MGAM: variants seen among roughly 807,000 people sequenced by gnomAD.
The protein encoded by MGAM is alpha-1,4-glucosidase.
A neutral mutation model predicts 358.8 loss-of-function variants in MGAM; 253 were observed. That is an observed-to-expected ratio of 0.71 (90% CI 0.64 to 0.78). The LOEUF (loss-of-function observed/expected upper bound fraction) is 0.78. MGAM is among the 30% of genes least tolerant of loss of function. The probability of loss-of-function intolerance (pLI) is 0.00; values close to 1 mark genes in which losing one functional copy is unlikely to be tolerated. For synonymous variants in MGAM, 1,105 were observed against 1,227.1 expected (o/e 0.90, Z 2.08); for missense variants, 3,080 against 3,432.6 (o/e 0.90, Z 2.57).
chr7:142,044,068 G>A (rs1347648548), intron 21 of MGAM, among the ~76,000 whole-genome samples: 17 of 96,320 alleles, frequency 1.8e-4, no homozygotes, highest in East Asian at 5.7e-4. Flanking sequence ...CACATACGAC[G>A]TATAATACAT....
At chr7:142,044,084 ACAC>A in intron 21 of MGAM, among the ~76,000 whole-genome samples, 1 of 143,390 alleles carries the variant, frequency 7.0e-6, no homozygotes, top group South Asian at 2.1e-4. Context: ...TACATTATAT[ACAC>A]ATACGACGTA....
intron 21 of MGAM, among the ~76,000 whole-genome samples, chr7:142,045,901 A>G (rs1810288036): frequency 9.7e-6 from 1 of 103,524 alleles, no homozygotes; most frequent in Non-Finnish European, 1.9e-5. Flanking sequence ...TTATGTATAC[A>G]TACAATATGT....
At chr7:142,070,772 T>A (rs1204709807) in intron 43 of MGAM, among the ~76,000 whole-genome samples, 1 of 146,116 alleles carries the variant, frequency 6.8e-6, no homozygotes, top group African/African-American at 2.4e-5. Context: ...ATGTAGTTTG[T>A]ATGGTGGAAG....
intron 7 of MGAM, 26 bp downstream of exon 7, chr7:142,022,465 C>T: frequency 6.2e-7 from 1 of 1,602,890 alleles, no homozygotes; most frequent in Non-Finnish European, 8.5e-7. Flanking sequence ...GGCCCCTTTC[C>T]ACTGAATATC....
At chr7:142,030,818 CTGTG>C (rs66639847) in intron 12 of MGAM, 61 bp downstream of exon 12, 10,694 of 748,326 alleles carry the variant, frequency 0.014, no homozygotes, top group East Asian at 0.051. Context: ...TTGAATGTGT[CTGTG>C]TGTGTGTGTG....
rs1815563903 is a variant in MGAM, at chr7:142,093,221, G to C, written c.7034-191G>C. Among the ~76,000 whole-genome samples the C allele has an allele frequency of 1.4e-5, 2 of 146,564 alleles. 1 individual carries two copies. The highest frequency in any genetic ancestry group is 1.4e-4 in the Admixed American group (2 of 14,596). ...CACCTCTGCTTTCTTCAGTGAACTTGATGTTGGAAACACTGGAGCCGCCGT... is the reference window on the plus strand; with the variant it reads ...CACCTCTGCTTTCTTCAGTGAACTTCATGTTGGAAACACTGGAGCCGCCGT... On this transcript the variant is annotated intron_variant, in intron 59 of 70. Coordinates refer to ENST00000475668, the MANE Select transcript of MGAM (RefSeq NM_001365693.1).
intron 68 of MGAM, among the ~76,000 whole-genome samples, chr7:142,101,933 G>C (rs1410277898): frequency 2.7e-5 from 4 of 150,716 alleles, no homozygotes; most frequent in Admixed American, 2.6e-4. Flanking sequence ...AAGAAAGAAA[G>C]AAAAGAAAAG....
Position 142,084,559 on chromosome 7 carries a change from G to C in MGAM, c.6422G>C (p.Gly2141Ala). ...RPVMVPYWSL[G>A]FQLCRYGYQN... Reference sequence around the variant, plus strand: ...GTGATGGTACCTTACTGGTCTTTGGGGTTCCAGCTGTGTCGCTATGGCTAC... The same window carrying C: ...GTGATGGTACCTTACTGGTCTTTGGCGTTCCAGCTGTGTCGCTATGGCTAC... The change falls in exon 54 of 71, where the codon GGG (glycine) becomes GCG (alanine). Residue 2141 changes from glycine to alanine, a missense_variant. This residue lies in a region of MGAM where 932 missense variants were observed against 1,198.2 expected (regional missense o/e 0.78). Coordinates refer to ENST00000475668, the MANE Select transcript of MGAM (RefSeq NM_001365693.1). 6.4e-7 allele frequency: 1 copy of C among 1,556,012 alleles called. No individual in the cohort carries two copies. Among genetic ancestry groups the C allele is most frequent in the African/African-American group, 1.3e-5 (1 of 74,564 alleles).
At chr7:142,046,086 A>G (rs1287252864) in intron 21 of MGAM, among the ~76,000 whole-genome samples, 1 of 133,990 alleles carries the variant, frequency 7.5e-6, no homozygotes, top group Non-Finnish European at 1.6e-5. Context: ...AGAAATTTAT[A>G]TGTGTAATTA....
chr7:142,034,960 T>C, intron 16 of MGAM, 119 bp downstream of exon 16: 1 of 933,900 alleles, frequency 1.1e-6, no homozygotes, highest in Non-Finnish European at 1.6e-6. Context: ...TTTAATATCT[T>C]GAGAGCATGT....
chr7:142,020,985 C>A lies in MGAM; in HGVS notation c.460C>A (p.Arg154=). The A allele has an allele frequency of 6.2e-7, 1 of 1,611,930 alleles. No individual in the cohort carries two copies. The highest frequency in any genetic ancestry group is 8.5e-7 in the Non-Finnish European group (1 of 1,178,558). ...TTCTCCTATGTTAGGATTCACAGCC[C>A]GGTTGAAAAATCTGCCTTCTTCACC... ...LVNTNAGFTA[R]LKNLPSSPVF... The change falls in exon 5 of 71, where the codon CGG becomes AGG. Residue 154 remains arginine, a synonymous_variant. Transcript: ENST00000475668.
rs1816882160 is a variant in MGAM, at chr7:142,106,746, G to A, written c.*855G>A. 6.6e-6 allele frequency: 1 copy of A among 152,226 alleles called. No homozygotes were observed. The highest frequency in any genetic ancestry group is 1.5e-5 in the Non-Finnish European group (1 of 68,040). The allele number at this position is 152,226 out of a possible 1,614,324, so 9.4% of individuals were successfully genotyped here. A position where few individuals can be genotyped will look rare whatever the true frequency, so the allele number is the denominator to read the frequency against. The stretch of plus-strand genomic sequence containing the variant: ...AAATAAAACAAGTGAATTTGCAAGT[G>A]ATTTTGAATTTTGTGCTATTTTGAC... On this transcript the variant is annotated 3_prime_UTR_variant, in exon 71 of 71. Coordinates refer to ENST00000475668, the MANE Select transcript of MGAM (RefSeq NM_001365693.1).
Position 142,034,787 on chromosome 7 carries a change from C to G in MGAM, c.1905C>G (p.Asp635Glu), listed in dbSNP as rs782259332. The G allele has an allele frequency of 7.4e-6, 12 of 1,613,498 alleles. No homozygotes were observed. The Admixed American group carries it at 2.0e-4, about 27-fold the overall frequency. ...WLGDNTATWD[D>E]LRWSIPGVLE... Reference sequence around the variant, plus strand: ...GAGACAACACTGCCACCTGGGATGACCTGAGATGGTCCATCCCTGGCGTGC... The same window carrying G: ...GAGACAACACTGCCACCTGGGATGAGCTGAGATGGTCCATCCCTGGCGTGC... Residue 635 changes from aspartate to glutamate, a missense_variant, in exon 16 of 71, where the codon GAC becomes GAG. Transcript: ENST00000475668.
rs1460723224 is a variant in MGAM, at chr7:142,097,666, G to A, written c.7749+17G>A. 3.1e-6 allele frequency: 5 copies of A among 1,589,930 alleles called. No individual in the cohort carries two copies. The highest frequency in any genetic ancestry group is 4.3e-6 in the Non-Finnish European group (5 of 1,159,556). On this transcript the variant is annotated intron_variant, in intron 66 of 70. Transcript: ENST00000475668. Reference sequence around the variant, plus strand: ...TACTACACGGTAAGTTTTTCTGAATGTTTATACAACACGGGAAAATGGTAG... The same window carrying A: ...TACTACACGGTAAGTTTTTCTGAATATTTATACAACACGGGAAAATGGTAG...
At chr7:142,088,745 C>T (rs1231289202) in intron 57 of MGAM, among the ~76,000 whole-genome samples, 1 of 84,808 alleles carries the variant, frequency 1.2e-5, no homozygotes, top group Non-Finnish European at 2.3e-5. Context: ...GTCTGTCTGT[C>T]TGTCTATCTA....
Position 142,082,503 on chromosome 7 carries a change from C to A in MGAM, c.6200C>A (p.Pro2067His). 1.3e-6 allele frequency: 2 copies of A among 1,534,940 alleles called. 1 individual carries two copies. The highest frequency in any genetic ancestry group is 4.6e-5 in the East Asian group (2 of 43,088). The stretch of plus-strand genomic sequence containing the variant: ...AAGAAGAATTCCTATGGTGTCCACC[C>A]CTACTACATGGGGCTAGAGGAGGAT... ...GYKKNSYGVH[P>H]YYMGLEEDGS... The change falls in exon 52 of 71, where the codon CCC becomes CAC. Residue 2067 changes from proline to histidine, a missense_variant. By Grantham distance (77) the Pro-to-His change is moderately conservative (BLOSUM62 -2). Coordinates refer to ENST00000475668, the MANE Select transcript of MGAM (RefSeq NM_001365693.1).
In MGAM at chr7:142,094,667, G is replaced by T. The variant is rs1380233666; in HGVS notation, c.7341+13G>T. 3.1e-6 allele frequency: 5 copies of T among 1,612,060 alleles called. No homozygotes were observed. The East Asian group carries it at 1.1e-4, about 36-fold the overall frequency. On this transcript the variant is annotated intron_variant, in intron 62 of 70. Coordinates refer to ENST00000475668, the MANE Select transcript of MGAM (RefSeq NM_001365693.1). ...CGGCATATCCTATGTGAGTGTCCTT[G>T]GGATCCTCCTAAGCACCAAGAAGGT...
At chr7:142,060,272 T>C (rs558788843) in intron 33 of MGAM, 39 bp from the exon 34 acceptor site, 3 of 1,603,998 alleles carry the variant, frequency 1.9e-6, no homozygotes, top group African/African-American at 1.3e-5. Context: ...TAAGGGAAAT[T>C]GTCTAGTGCA....
Position 142,045,049 on chromosome 7 carries a change from TATA to T in MGAM, c.2499-2732_2499-2730del, listed in dbSNP as rs372251150. On this transcript the variant is annotated intron_variant, in intron 21 of 70. Transcript: ENST00000475668. ...TTGTATACACGTGTAATATATGATA[TATA>T]ATATGTATATTATATATACGTGTAA... 2.9e-3 allele frequency among the ~76,000 whole-genome samples: 278 copies of T among 97,012 alleles called. 32 individuals carry two copies. Among genetic ancestry groups the T allele is most frequent in the African/African-American group, 0.011 (271 of 24,612 alleles). 63.6% of individuals were successfully genotyped at this position (97,012 alleles called of 152,430 possible). A position where few individuals can be genotyped will look rare whatever the true frequency, so the allele number is the denominator to read the frequency against.
Sources: gnomAD v4.1 joint callset for allele counts (sites outside exome capture counted in the v4.1 genomes callset) on GRCh38, gnomAD v4.1.1 for gene constraint, gnomAD v4.1.1 regional missense constraint, MANE v1.5 for transcripts, NCBI Gene and HGNC (gene_info 2026-07-23, HGNC 2026-07-21) for gene names.